The following ERP44 variants were observed in gnomAD, a reference collection of about 807,000 sequenced individuals.
ERP44 encodes the protein endoplasmic reticulum protein 44.
ERP44 carries 25 observed loss-of-function variants against 53.4 expected under a neutral mutation model. The observed-to-expected ratio is 0.47, with a 90% CI of 0.34 to 0.65. The LOEUF (loss-of-function observed/expected upper bound fraction) is 0.65. Among genes scored for constraint, ERP44 ranks in the 30% least tolerant of loss-of-function variants. The pLI is 0.01. For missense variants in ERP44, 338 were observed against 493.2 expected (o/e 0.69, Z 2.98); for synonymous variants, 145 against 161.2 (o/e 0.90, Z 0.76).
chr9:100,000,397 C>G (rs1830363445), intron 10 of ERP44, among the ~76,000 whole-genome samples: 1 of 148,866 alleles, frequency 6.7e-6, no homozygotes, highest in African/African-American at 2.5e-5. Context: ...GATTGCTCCA[C>G]TGCACGCCAG....
rs754754927 is a variant in ERP44 at position 99,982,731 on chromosome 9, A to T, written c.1120-18T>A. The T allele has an allele frequency of 1.1e-5, 16 of 1,512,852 alleles. No homozygotes were observed. Among genetic ancestry groups the T allele is most frequent in the Non-Finnish European group, 1.4e-5 (15 of 1,106,396 alleles). 93.7% of individuals were successfully genotyped at this position (1,512,852 alleles called of 1,614,324 possible). A position where few individuals can be genotyped will look rare whatever the true frequency, so the allele number is the denominator to read the frequency against. Reference sequence around the variant, plus strand: ...TGGGCTTGCTACAAAAGAAAGAATAAAACATTTTTATACCAATATAGTTTA... The same window carrying T: ...TGGGCTTGCTACAAAAGAAAGAATATAACATTTTTATACCAATATAGTTTA... On this transcript the variant is annotated intron_variant, in intron 11 of 11. Coordinates refer to ENST00000262455, the MANE Select transcript of ERP44 (RefSeq NM_015051.3).
chr9:100,036,597 G>A (rs568384176), intron 4 of ERP44, among the ~76,000 whole-genome samples: 22 of 152,134 alleles, frequency 1.4e-4, no homozygotes, highest in Non-Finnish European at 2.2e-4. Context: ...TCAAAACACC[G>A]CAATATGCCT....
rs1411064711 is a variant in ERP44, at chr9:99,981,200, C to A, written c.*1412G>T. 6.6e-6 allele frequency: 1 copy of A among 152,150 alleles called. No individual in the cohort carries two copies. The highest frequency in any genetic ancestry group is 2.4e-5 in the African/African-American group (1 of 41,416). 9.4% of individuals were successfully genotyped at this position (152,150 alleles called of 1,614,324 possible). A position where few individuals can be genotyped will look rare whatever the true frequency, so the allele number is the denominator to read the frequency against. ...AATTTGATACAATACATTAAATATA[C>A]CCCTTATCACCTTATTAACATTTAT... On this transcript the variant is annotated 3_prime_UTR_variant, in exon 12 of 12. Transcript: ENST00000262455.
chr9:100,094,188 G>A (rs893834164), intron 1 of ERP44, among the ~76,000 whole-genome samples: 4 of 151,892 alleles, frequency 2.6e-5, no homozygotes, highest in Admixed American at 6.6e-5. Flanking sequence ...ATTTCTATCC[G>A]CATCTCTAGA....
intron 1 of ERP44, among the ~76,000 whole-genome samples, chr9:100,093,026 G>A (rs1826578812): frequency 6.6e-6 from 1 of 152,154 alleles, no homozygotes; most frequent in East Asian, 1.9e-4. Flanking sequence ...CTGAACATTT[G>A]CAGAGAACAT....
chr9:99,985,172 C>G (rs1319091513), intron 10 of ERP44, 103 bp from the exon 11 acceptor site: 1 of 688,134 alleles, frequency 1.5e-6, no homozygotes, highest in Admixed American at 2.3e-5. Flanking sequence ...ATAGTCCCAC[C>G]ATCCTACCAC....
chr9:99,998,867 A>T lies in ERP44; in HGVS notation c.1016+7639T>A, dbSNP rs534459478. On this transcript the variant is annotated intron_variant, in intron 10 of 11. Coordinates refer to ENST00000262455, the MANE Select transcript of ERP44 (RefSeq NM_015051.3). ...CAAAATAGGTGTAGTTCTTCTAGCA[A>T]TGAGCTCTCTTGTCTTCGCCTCCAT... 35 of 1,519,888 alleles carry T rather than the reference A, an allele frequency of 2.3e-5. No individual in the cohort carries two copies. The South Asian group carries it at 3.6e-4, about 16-fold the overall frequency. 94.2% of individuals were successfully genotyped at this position (1,519,888 alleles called of 1,614,324 possible). A position where few individuals can be genotyped will look rare whatever the true frequency, so the allele number is the denominator to read the frequency against.
rs188863708 is a variant in ERP44 at position 100,093,957 on chromosome 9, G to A, written c.57+4827C>T. ...TAAAATGGCACAACCCCTATACGGA[G>A]AGTAATTTCAAATATACAGCAATAC... On this transcript the variant is annotated intron_variant, in intron 1 of 11. Transcript: ENST00000262455. Among the ~76,000 whole-genome samples the A allele has an allele frequency of 5.4e-4, 83 of 152,302 alleles. 1 individual carries two copies. Among genetic ancestry groups the A allele is most frequent in the African/African-American group, 1.9e-3 (79 of 41,558 alleles).
intron 9 of ERP44, among the ~76,000 whole-genome samples, 173 bp downstream of exon 9, chr9:100,007,405 C>T (rs942010756): frequency 2.6e-5 from 4 of 152,132 alleles, no homozygotes; most frequent in African/African-American, 9.7e-5. Context: ...AAAACACTAC[C>T]TCATATTATC....
intron 1 of ERP44, among the ~76,000 whole-genome samples, chr9:100,098,448 T>C (rs1024181859): frequency 2.6e-5 from 4 of 152,200 alleles, no homozygotes; most frequent in Non-Finnish European, 5.9e-5. Context: ...GCTAGGTCTA[T>C]GCTTGGTCTT....
chr9:100,055,362 GT>G (rs1339096029), intron 3 of ERP44, among the ~76,000 whole-genome samples: 2 of 151,926 alleles, frequency 1.3e-5, no homozygotes, highest in African/African-American at 4.8e-5. Context: ...CCTGATGTGT[GT>G]TTTTTTTGTT....
chr9:100,079,829 G>A (rs1826403204), intron 1 of ERP44, among the ~76,000 whole-genome samples: 1 of 151,768 alleles, frequency 6.6e-6, no homozygotes. Context: ...TAGCTTCTTG[G>A]GAGGCTGAGG....
At chr9:100,040,859 T>G (rs1418972016) in intron 4 of ERP44, among the ~76,000 whole-genome samples, 1 of 152,076 alleles carries the variant, frequency 6.6e-6, no homozygotes, top group Non-Finnish European at 1.5e-5. Flanking sequence ...TTTTATACGC[T>G]AACAGTGAAC....
intron 3 of ERP44, among the ~76,000 whole-genome samples, chr9:100,054,429 C>A (rs781681250): frequency 6.6e-6 from 1 of 151,928 alleles, no homozygotes; most frequent in African/African-American, 2.4e-5. Context: ...TTAAGGGCGA[C>A]GTAAAAAAAC....
rs559181134 is a variant in ERP44, at chr9:99,993,355, C to G, written c.1017-8286G>C. Among the ~76,000 whole-genome samples, 3 of 152,224 alleles carry G rather than the reference C, an allele frequency of 2.0e-5. No individual in the cohort carries two copies. In the East Asian group the frequency reaches 5.8e-4, roughly 29 times the overall value. On this transcript the variant is annotated intron_variant, in intron 10 of 11. Transcript: ENST00000262455. ...CAGAACAGAGGCCTCAGAAATAACA[C>G]CATACATCTACAACCATCTGATCTT...
At position 99,981,671 on chromosome 9, in the gene ERP44, C is replaced by A. The variant is rs1429533750; in HGVS notation, c.*941G>T. On this transcript the variant is annotated 3_prime_UTR_variant, in exon 12 of 12. Transcript: ENST00000262455. ...ATCTAGAGGGGGTAGGGTCCTCTAA[C>A]CATTTTATAATGAAAAAAAGTTAAA... is the stretch of plus-strand genomic sequence containing the variant. 6.6e-6 allele frequency: 1 copy of A among 152,444 alleles called. No individual in the cohort carries two copies. Among genetic ancestry groups the A allele is most frequent in the Admixed American group, 6.5e-5 (1 of 15,278 alleles). 9.4% of individuals were successfully genotyped at this position (152,444 alleles called of 1,614,324 possible). A position where few individuals can be genotyped will look rare whatever the true frequency, so the allele number is the denominator to read the frequency against.
At chr9:100,001,856 A>G (rs1199616263) in intron 10 of ERP44, among the ~76,000 whole-genome samples, 2 of 151,946 alleles carry the variant, frequency 1.3e-5, no homozygotes, top group African/African-American at 2.4e-5. Context: ...CCATTTTGTT[A>G]ATTGTTCACT....
intron 1 of ERP44, among the ~76,000 whole-genome samples, chr9:100,063,320 T>G (rs182062858): frequency 6.6e-6 from 1 of 152,134 alleles, no homozygotes; most frequent in Non-Finnish European, 1.5e-5. Flanking sequence ...TCTGACCCAG[T>G]AATCTCTGCT....
intron 1 of ERP44, among the ~76,000 whole-genome samples, chr9:100,079,718 G>A (rs1054148737): frequency 5.9e-5 from 9 of 152,090 alleles, no homozygotes; most frequent in African/African-American, 1.4e-4. Context: ...GGAGGATCTT[G>A]AGGCCAGGAG....
Sources: allele counts gnomAD v4.1 joint callset (sites outside exome capture counted in the v4.1 genomes callset), GRCh38; gene constraint gnomAD v4.1.1; transcripts MANE v1.5; gene names NCBI Gene and HGNC (gene_info 2026-07-23, HGNC 2026-07-21).